FCHSD2: variants seen among roughly 807,000 people sequenced by gnomAD.
The protein encoded by FCHSD2 is FCH and double SH3 domains 2, also known as F-BAR and double SH3 domains protein 2.
Under a neutral mutation model 108.1 loss-of-function variants are expected in FCHSD2, and 38 were observed. That is an observed-to-expected ratio of 0.35 (90% CI 0.27 to 0.46). The LOEUF (loss-of-function observed/expected upper bound fraction) is 0.46. Ranked by LOEUF, FCHSD2 falls within the 20% of genes least tolerant of loss-of-function variation. The pLI is 1.00. For missense variants in FCHSD2, 751 were observed against 897.8 expected (o/e 0.84, Z 2.09); for synonymous variants, 279 against 314.7 (o/e 0.89, Z 1.20).
chr11:73,081,531 T>C (rs1859686071), intron 3 of FCHSD2, among the ~76,000 whole-genome samples: 1 of 152,106 alleles, frequency 6.6e-6, no homozygotes, highest in Non-Finnish European at 1.5e-5. Context: ...AGACTTTTTT[T>C]CTATTTTTTT....
intron 3 of FCHSD2, among the ~76,000 whole-genome samples, chr11:73,047,519 G>A (rs1248717465): frequency 6.6e-6 from 1 of 152,012 alleles, no homozygotes; most frequent in Non-Finnish European, 1.5e-5. Context: ...AAAAAATACT[G>A]GTCATTGACA....
At chr11:72,978,150 G>A (rs1857142573) in intron 8 of FCHSD2, among the ~76,000 whole-genome samples, 1 of 151,988 alleles carries the variant, frequency 6.6e-6, no homozygotes, top group African/African-American at 2.4e-5. Flanking sequence ...ATCACACACT[G>A]GGGCCTGTCA....
intron 10 of FCHSD2, among the ~76,000 whole-genome samples, chr11:72,895,474 C>T (rs1459150266): frequency 6.6e-6 from 1 of 152,082 alleles, no homozygotes; most frequent in African/African-American, 2.4e-5. Flanking sequence ...AAAGAGTATG[C>T]CTTTATTTTG....
intron 8 of FCHSD2, among the ~76,000 whole-genome samples, chr11:72,980,605 C>G (rs1452354150): frequency 6.6e-6 from 1 of 151,326 alleles, no homozygotes; most frequent in Non-Finnish European, 1.5e-5. Context: ...AACCACAGTC[C>G]TCCAGCAGTA....
intron 9 of FCHSD2, among the ~76,000 whole-genome samples, chr11:72,907,200 C>G (rs934165475): frequency 2.6e-5 from 4 of 152,208 alleles, no homozygotes; most frequent in African/African-American, 9.6e-5. Flanking sequence ...TGAGACTTTG[C>G]TGAAGTTGCT....
intron 10 of FCHSD2, among the ~76,000 whole-genome samples, chr11:72,897,058 C>T (rs1855435645): frequency 6.6e-6 from 1 of 152,088 alleles, no homozygotes; most frequent in African/African-American, 2.4e-5. Flanking sequence ...AATCTCCTGA[C>T]CTCATGATCC....
At chr11:72,893,938 T>C (rs1045251428) in intron 10 of FCHSD2, among the ~76,000 whole-genome samples, 2 of 152,206 alleles carry the variant, frequency 1.3e-5, no homozygotes, top group Non-Finnish European at 2.9e-5. Context: ...TATGATTTTG[T>C]TTTATTTTAA....
chr11:73,068,093 T>C (rs898361895), intron 3 of FCHSD2, among the ~76,000 whole-genome samples: 1 of 152,040 alleles, frequency 6.6e-6, no homozygotes, highest in Non-Finnish European at 1.5e-5. Flanking sequence ...ACTGCCCCCA[T>C]GATTCAGTTA....
At chr11:73,130,340 C>T (rs1591579262) in intron 2 of FCHSD2, among the ~76,000 whole-genome samples, 1 of 152,148 alleles carries the variant, frequency 6.6e-6, no homozygotes, top group African/African-American at 2.4e-5. Context: ...TCACTGTGGG[C>T]TCAAGCAGAT....
intron 2 of FCHSD2, among the ~76,000 whole-genome samples, chr11:73,108,713 C>T (rs1404203826): frequency 6.6e-6 from 1 of 152,092 alleles, no homozygotes; most frequent in African/African-American, 2.4e-5. Context: ...GGACTACAGG[C>T]GCCCGCCACC....
chr11:73,099,239 C>T (rs1270893279), intron 2 of FCHSD2, among the ~76,000 whole-genome samples: 2 of 152,078 alleles, frequency 1.3e-5, no homozygotes, highest in African/African-American at 4.8e-5. Flanking sequence ...CAATGAGGTA[C>T]TACTTCCTAC....
intron 3 of FCHSD2, among the ~76,000 whole-genome samples, chr11:73,077,185 TTAATAA>T (rs1224681830): frequency 6.6e-6 from 1 of 151,356 alleles, no homozygotes; most frequent in East Asian, 1.9e-4. Context: ...TTTGAAAACT[TTAATAA>T]TAATGTTTCT....
At chr11:73,041,604 T>C (rs1858640659) in intron 3 of FCHSD2, among the ~76,000 whole-genome samples, 1 of 151,856 alleles carries the variant, frequency 6.6e-6, no homozygotes, top group Admixed American at 6.5e-5. Flanking sequence ...TGTTTGTTTG[T>C]TTGCTACTGA....
intron 9 of FCHSD2, among the ~76,000 whole-genome samples, chr11:72,903,362 G>C (rs946066926): frequency 6.6e-6 from 1 of 151,758 alleles, no homozygotes; most frequent in Non-Finnish European, 1.5e-5. Flanking sequence ...GACTACAGGC[G>C]CCCGCCACTG....
At chr11:73,083,500 G>T (rs566038300) in intron 3 of FCHSD2, among the ~76,000 whole-genome samples, 195 bp downstream of exon 3, 45 of 150,888 alleles carry the variant, frequency 3.0e-4, no homozygotes, top group Middle Eastern at 6.8e-3. Flanking sequence ...AGTGAGCCAA[G>T]ATTGCGCCAC....
chr11:73,058,625 T>C (rs967748180), intron 3 of FCHSD2, among the ~76,000 whole-genome samples: 14 of 151,486 alleles, frequency 9.2e-5, no homozygotes, highest in Non-Finnish European at 1.8e-4. Flanking sequence ...AGACAGAGTC[T>C]TGCTCTGTCG....
chr11:72,927,964 A>T (rs541764264), intron 8 of FCHSD2, among the ~76,000 whole-genome samples: 2 of 152,300 alleles, frequency 1.3e-5, no homozygotes, highest in African/African-American at 4.8e-5. Context: ...TTACTTTATC[A>T]TGTTAATGAT....
chr11:73,084,746 T>C (rs1859775219), intron 2 of FCHSD2, among the ~76,000 whole-genome samples: 1 of 152,200 alleles, frequency 6.6e-6, no homozygotes, highest in South Asian at 2.1e-4. Flanking sequence ...CATCTTTTAA[T>C]GATGATTGGC....
intron 13 of FCHSD2, 135 bp downstream of exon 13, chr11:72,867,730 G>A: frequency 1.5e-6 from 1 of 669,996 alleles, no homozygotes; most frequent in Non-Finnish European, 2.5e-6. Context: ...TTAGTGATAG[G>A]CTGAAGAATA....
Sources: allele counts gnomAD v4.1 joint callset (sites outside exome capture counted in the v4.1 genomes callset), GRCh38; gene constraint gnomAD v4.1.1; transcripts MANE v1.5; gene names NCBI Gene and HGNC (gene_info 2026-07-23, HGNC 2026-07-21).